The following LRP1B variants were observed in gnomAD, a reference collection of about 807,000 sequenced individuals.
The protein encoded by LRP1B is LDL receptor related protein 1B.
A neutral mutation model predicts 556.6 loss-of-function variants in LRP1B; 217 were observed. The ratio of observed to expected loss-of-function variants is 0.39; its 90% CI spans 0.35 to 0.44. The LOEUF (loss-of-function observed/expected upper bound fraction) is 0.44. Ranked by LOEUF, LRP1B falls within the 20% of genes least tolerant of loss-of-function variation. LRP1B has a pLI of 1.00. For synonymous variants in LRP1B, 2,047 were observed against 1,865.8 expected (o/e 1.10, Z -2.50); for missense variants, 5,053 against 5,620.8 (o/e 0.90, Z 3.23).
chr2:141,805,528 G>A (rs960578019), intron 2 of LRP1B: 1 of 152,112 alleles, frequency 6.6e-6, no homozygotes, highest in Non-Finnish European at 1.5e-5. Context: ...AAAACTCTGT[G>A]CTTCGTGCAT....
chr2:140,684,535 T>G (rs1559053743), intron 41 of LRP1B, among the ~76,000 whole-genome samples: 1 of 152,188 alleles, frequency 6.6e-6, no homozygotes, highest in Non-Finnish European at 1.5e-5. Context: ...CCCAGTTTTG[T>G]GAATAAAACA....
At chr2:140,735,984 C>CT (rs1364562115) in intron 35 of LRP1B, among the ~76,000 whole-genome samples, 6 of 152,016 alleles carry the variant, frequency 3.9e-5, no homozygotes, top group African/African-American at 1.4e-4. Flanking sequence ...GGGGCACATT[C>CT]TCGGTATATG....
intron 1 of LRP1B, among the ~76,000 whole-genome samples, chr2:141,900,664 C>T (rs956504601): frequency 2.6e-5 from 4 of 151,948 alleles, no homozygotes; most frequent in South Asian, 2.1e-4. Flanking sequence ...AACCATTTCC[C>T]GAAATCCAAA....
At chr2:140,444,828 A>T in intron 63 of LRP1B, 149 bp from the exon 64 acceptor site, 1 of 600,264 alleles carries the variant, frequency 1.7e-6, no homozygotes, top group Non-Finnish European at 3.0e-6. Flanking sequence ...TATTAGATTC[A>T]AATGTTTAGC....
intron 6 of LRP1B, among the ~76,000 whole-genome samples, chr2:141,227,591 T>G (rs138950504): frequency 7.9e-5 from 12 of 152,340 alleles, no homozygotes; most frequent in African/African-American, 2.9e-4. Flanking sequence ...ATTATAATTT[T>G]TGGTCTATTT....
intron 1 of LRP1B, among the ~76,000 whole-genome samples, chr2:141,898,475 C>A (rs1699521722): frequency 6.6e-6 from 1 of 152,022 alleles, no homozygotes; most frequent in African/African-American, 2.4e-5. Flanking sequence ...GGTAAATTAT[C>A]CTGATTAAAA....
chr2:141,448,381 C>A (rs577918046), intron 3 of LRP1B, among the ~76,000 whole-genome samples: 3 of 152,276 alleles, frequency 2.0e-5, no homozygotes, highest in South Asian at 4.1e-4. Context: ...TGAGCAAGAC[C>A]ACTTGGCTTC....
At chr2:141,075,065 C>G (rs1309983247) in intron 7 of LRP1B, among the ~76,000 whole-genome samples, 1 of 152,106 alleles carries the variant, frequency 6.6e-6, no homozygotes, top group Non-Finnish European at 1.5e-5. Context: ...GATTGGCTCT[C>G]AAATCTAGCA....
At chr2:142,003,517 C>G (rs112145096) in intron 1 of LRP1B, among the ~76,000 whole-genome samples, 56 of 152,266 alleles carry the variant, frequency 3.7e-4, no homozygotes, top group African/African-American at 1.3e-3. Context: ...CTGCCAGCCC[C>G]CTCTGCACAA....
intron 66 of LRP1B, among the ~76,000 whole-genome samples, chr2:140,416,913 C>G (rs1247972377): frequency 5.9e-5 from 9 of 152,094 alleles, no homozygotes; most frequent in African/African-American, 2.2e-4. Flanking sequence ...TGATTAAAAA[C>G]AAAGGTCATC....
At position 141,624,798 on chromosome 2, in the gene LRP1B, C is replaced by T. The variant is rs553817199; in HGVS notation, c.206-144265G>A. ...TTATTTTTATTTTTTGAGATGGGGT[C>T]TCGCGCTGTCACCCATGCTGGAGTG... is the stretch of plus-strand genomic sequence containing the variant. On this transcript the variant is annotated intron_variant, in intron 2 of 90. Transcript: ENST00000389484. Among the ~76,000 whole-genome samples, 29 of 152,058 alleles carry T rather than the reference C, an allele frequency of 1.9e-4. 1 individual carries two copies. The highest frequency in any genetic ancestry group is 6.5e-4 in the African/African-American group (27 of 41,482).
intron 2 of LRP1B, among the ~76,000 whole-genome samples, chr2:141,534,651 C>A (rs748241369): frequency 6.6e-6 from 1 of 152,156 alleles, no homozygotes; most frequent in African/African-American, 2.4e-5. Flanking sequence ...CTCATTTGTA[C>A]TTGCTGCCTA....
chr2:140,921,612 A>G (rs933011002), intron 21 of LRP1B, among the ~76,000 whole-genome samples: 1 of 151,978 alleles, frequency 6.6e-6, no homozygotes, highest in Non-Finnish European at 1.5e-5. Context: ...TTAAAATCAC[A>G]TTTTTCTAAC....
At chr2:141,835,305 C>T (rs114862575) in intron 1 of LRP1B, among the ~76,000 whole-genome samples, 101 of 152,056 alleles carry the variant, frequency 6.6e-4, no homozygotes, top group African/African-American at 2.3e-3. Flanking sequence ...AGGCAGTAAA[C>T]ACAGAGCAGT....
chr2:141,630,069 A>G (rs1688854011), intron 2 of LRP1B, among the ~76,000 whole-genome samples: 1 of 152,186 alleles, frequency 6.6e-6, no homozygotes. Context: ...AGCTAACAAA[A>G]GGCAATATTC....
intron 3 of LRP1B, chr2:141,286,891 T>A (rs1268436161): frequency 3.4e-6 from 1 of 290,622 alleles, no homozygotes; most frequent in Admixed American, 3.6e-5. Flanking sequence ...TTGCCCAATC[T>A]GGTAACTAAT....
At chr2:141,464,606 A>ATATATATATATTTTTT in intron 3 of LRP1B, among the ~76,000 whole-genome samples, 6 of 90,558 alleles carry the variant, frequency 6.6e-5, no homozygotes, top group African/African-American at 2.6e-4. Context: ...ATATATATAT[A>ATATATATATATTTTTT]TTTTTTTAGT....
intron 66 of LRP1B, among the ~76,000 whole-genome samples, chr2:140,397,352 C>T (rs902311238): frequency 6.6e-6 from 1 of 152,072 alleles, no homozygotes; most frequent in African/African-American, 2.4e-5. Context: ...CCTCCCCTCT[C>T]CCCAACTCCC....
intron 86 of LRP1B, among the ~76,000 whole-genome samples, chr2:140,256,213 G>C (rs965251578): frequency 2.6e-5 from 4 of 151,848 alleles, no homozygotes; most frequent in Admixed American, 6.6e-5. Flanking sequence ...GCCAGGCCTG[G>C]GTTGAAATCT....
Sources: allele counts gnomAD v4.1 joint callset (sites outside exome capture counted in the v4.1 genomes callset), GRCh38; gene constraint gnomAD v4.1.1; transcripts MANE v1.5; gene names NCBI Gene and HGNC (gene_info 2026-07-23, HGNC 2026-07-21).